GARNL3: variants seen among roughly 807,000 people sequenced by gnomAD.
GARNL3 encodes GTPase activating Rap/RanGAP domain like 3.
GARNL3 carries 63 observed loss-of-function variants against 125.0 expected under a neutral mutation model. The observed-to-expected ratio is 0.50, with a 90% CI of 0.41 to 0.62. The LOEUF (loss-of-function observed/expected upper bound fraction) is 0.62. Ranked by LOEUF, GARNL3 falls within the 20% of genes least tolerant of loss-of-function variation. The probability of loss-of-function intolerance (pLI) is 0.00; values close to 1 mark genes in which losing one functional copy is unlikely to be tolerated. For synonymous variants in GARNL3, 439 were observed against 457.5 expected, an observed-to-expected ratio of 0.96 and a Z score of 0.52; for missense variants, 994 against 1,244.0, an observed-to-expected ratio of 0.80 and a Z score of 3.02.
chr9:127,379,256 G>A (rs986504243), intron 22 of GARNL3, among the ~76,000 whole-genome samples: 22 of 152,122 alleles, frequency 1.4e-4, no homozygotes, highest in African/African-American at 5.3e-4. Context: ...TTTCTGGTTG[G>A]CTCCTAGAAT....
intron 1 of GARNL3, among the ~76,000 whole-genome samples, chr9:127,225,749 C>T (rs2062897545): frequency 7.2e-6 from 1 of 139,762 alleles, no homozygotes; most frequent in African/African-American, 2.7e-5. Flanking sequence ...CCACTGGAGG[C>T]TTCCTTCCGG....
intron 5 of GARNL3, among the ~76,000 whole-genome samples, chr9:127,320,409 A>G (rs2065362272): frequency 6.6e-6 from 1 of 152,252 alleles, no homozygotes; most frequent in Non-Finnish European, 1.5e-5. Context: ...TAGAAATTTC[A>G]GTTAAATCTT....
chr9:127,354,198 C>T (rs1488570027), intron 18 of GARNL3, 96 bp from the exon 19 acceptor site: 9 of 889,560 alleles, frequency 1.0e-5, no homozygotes, highest in Non-Finnish European at 1.4e-5. Context: ...AGAACACCTC[C>T]AATCCTAGTT....
intron 21 of GARNL3, among the ~76,000 whole-genome samples, chr9:127,359,257 AG>A (rs1200322078): frequency 1.3e-5 from 2 of 152,224 alleles, no homozygotes; most frequent in African/African-American, 4.8e-5. Context: ...TGGGCGGCCA[AG>A]GCCGGCGGAT....
intron 1 of GARNL3, 90 bp downstream of exon 1, chr9:127,265,111 C>T (rs2063674925): frequency 8.8e-7 from 1 of 1,132,446 alleles, no homozygotes; most frequent in Admixed American, 2.2e-5. Flanking sequence ...TGTATATTTA[C>T]TGTTAGACCA....
At chr9:127,389,572 C>T (rs1832720289) in intron 26 of GARNL3, among the ~76,000 whole-genome samples, 2 of 152,138 alleles carry the variant, frequency 1.3e-5, no homozygotes, top group African/African-American at 2.4e-5. Flanking sequence ...CAGCCCTAGA[C>T]AGTGGGGGCA....
intron 1 of GARNL3, among the ~76,000 whole-genome samples, chr9:127,281,616 C>T (rs1216467577): frequency 6.6e-6 from 1 of 152,160 alleles, no homozygotes; most frequent in African/African-American, 2.4e-5. Flanking sequence ...TACCCCTTCC[C>T]CCTACTCTGG....
intron 22 of GARNL3, among the ~76,000 whole-genome samples, chr9:127,379,572 A>C (rs2131800972): frequency 2.0e-5 from 3 of 152,334 alleles, no homozygotes; most frequent in African/African-American, 7.2e-5. Flanking sequence ...ACTCACAGGC[A>C]ATTATTTTAA....
At chr9:127,352,275 A>G (rs905068631) in intron 17 of GARNL3, among the ~76,000 whole-genome samples, 2 of 152,162 alleles carry the variant, frequency 1.3e-5, no homozygotes, top group Non-Finnish European at 2.9e-5. Context: ...CCTTTGTTCA[A>G]TGGGAGTATT....
intron 2 of GARNL3, among the ~76,000 whole-genome samples, chr9:127,243,721 A>T (rs2063243633): frequency 6.6e-6 from 1 of 152,258 alleles, no homozygotes. Context: ...TTACAATGTA[A>T]TACAAAATAA....
intron 2 of GARNL3, among the ~76,000 whole-genome samples, chr9:127,252,078 C>T (rs1403201657): frequency 4.6e-5 from 7 of 152,314 alleles, no homozygotes; most frequent in East Asian, 3.9e-4. Context: ...CACAAATTAT[C>T]GCCCTTTGTC....
At chr9:127,263,059 G>A (rs114048525), upstream of GARNL3, among the ~76,000 whole-genome samples, 541 of 152,318 alleles carry the variant, frequency 3.6e-3, 1 homozygote, top group African/African-American at 0.012. Flanking sequence ...TGAATGAAAT[G>A]TAATATGGGG....
intron 4 of GARNL3, among the ~76,000 whole-genome samples, chr9:127,316,720 T>C (rs2065249657): frequency 6.6e-6 from 1 of 152,228 alleles, no homozygotes; most frequent in Non-Finnish European, 1.5e-5. Flanking sequence ...CTTCTCATCC[T>C]CAGCTCCAAA....
At chr9:127,240,257 A>C (rs111258313) in intron 1 of GARNL3, among the ~76,000 whole-genome samples, 3 of 152,352 alleles carry the variant, frequency 2.0e-5, no homozygotes, top group African/African-American at 7.2e-5. Flanking sequence ...ATCGTCAGCC[A>C]GTCCCCTTAG....
chr9:127,314,335 G>A (rs2065175737), intron 4 of GARNL3, among the ~76,000 whole-genome samples: 1 of 152,186 alleles, frequency 6.6e-6, no homozygotes, highest in African/African-American at 2.4e-5. Flanking sequence ...ACCAGGTGCT[G>A]CCTGGACTTA....
At chr9:127,312,705 C>A (rs1181483671) in intron 3 of GARNL3, among the ~76,000 whole-genome samples, 2 of 152,122 alleles carry the variant, frequency 1.3e-5, no homozygotes, top group Admixed American at 1.3e-4. Flanking sequence ...TTTAAAGAAA[C>A]CTGACTGTGT....
At chr9:127,317,391 G>A (rs2065268952) in intron 4 of GARNL3, among the ~76,000 whole-genome samples, 1 of 152,186 alleles carries the variant, frequency 6.6e-6, no homozygotes, top group Non-Finnish European at 1.5e-5. Context: ...GGAGACTGTT[G>A]TCTTATGGTC....
At chr9:127,284,506 T>C (rs1227523196) in intron 1 of GARNL3, among the ~76,000 whole-genome samples, 1 of 152,092 alleles carries the variant, frequency 6.6e-6, no homozygotes, top group Admixed American at 6.5e-5. Context: ...TCTGATCTTT[T>C]ATTGATTCCT....
chr9:127,326,984 GTT>G (rs1430049526), intron 7 of GARNL3, among the ~76,000 whole-genome samples: 1 of 152,050 alleles, frequency 6.6e-6, no homozygotes, highest in African/African-American at 2.4e-5. Flanking sequence ...ATGGTATTTT[GTT>G]ATAGCAGCCC....
Sources: allele counts gnomAD v4.1 joint callset (sites outside exome capture counted in the v4.1 genomes callset), GRCh38; gene constraint gnomAD v4.1.1; transcripts MANE v1.5; gene names NCBI Gene and HGNC (gene_info 2026-07-23, HGNC 2026-07-21).